The following PTPRD variants were observed in gnomAD, a reference collection of about 807,000 sequenced individuals.
The protein encoded by PTPRD is protein tyrosine phosphatase receptor type D, also known as receptor-type tyrosine-protein phosphatase delta.
PTPRD carries 34 observed loss-of-function variants against 214.5 expected under a neutral mutation model. The ratio of observed to expected loss-of-function variants is 0.16; its 90% CI spans 0.12 to 0.21. The LOEUF is 0.21. Among genes scored for constraint, PTPRD ranks in the 10% least tolerant of loss-of-function variants. The pLI is 1.00. For synonymous variants in PTPRD, 1,128 were observed against 845.7 expected (o/e 1.33, Z -5.79); for missense variants, 2,545 against 2,398.7 (o/e 1.06, Z -1.27).
At chr9:9,430,275 C>T (rs549799474) in intron 8 of PTPRD, among the ~76,000 whole-genome samples, 20 of 152,040 alleles carry the variant, frequency 1.3e-4, no homozygotes, top group Middle Eastern at 3.4e-3. Flanking sequence ...AACAGAGAGC[C>T]AAATCATGAG....
chr9:9,141,284 G>C (rs1172016777), intron 10 of PTPRD, among the ~76,000 whole-genome samples: 2 of 146,680 alleles, frequency 1.4e-5, no homozygotes, highest in African/African-American at 5.1e-5. Flanking sequence ...AGGCACTACA[G>C]ACCCTAGGTT....
chr9:9,206,144 G>A (rs1569562141), intron 9 of PTPRD, among the ~76,000 whole-genome samples: 1 of 152,190 alleles, frequency 6.6e-6, no homozygotes, highest in South Asian at 2.1e-4. Context: ...CCTAGAACAA[G>A]AGGAGTTTGC....
chr9:8,462,318 C>G (rs2096434492), intron 32 of PTPRD, among the ~76,000 whole-genome samples: 1 of 151,884 alleles, frequency 6.6e-6, no homozygotes, highest in South Asian at 2.1e-4. Flanking sequence ...TCCATCTGCT[C>G]TTCTTCTAGT....
At chr9:8,670,929 G>T (rs1317238244) in intron 12 of PTPRD, among the ~76,000 whole-genome samples, 1 of 152,168 alleles carries the variant, frequency 6.6e-6, no homozygotes, top group Non-Finnish European at 1.5e-5. Context: ...CAGATTGAAG[G>T]GAAGTAGGTG....
chr9:10,240,828 G>C (rs1328500853), intron 3 of PTPRD, among the ~76,000 whole-genome samples: 1 of 151,664 alleles, frequency 6.6e-6, no homozygotes, highest in East Asian at 1.9e-4. Context: ...TTTGAATCAT[G>C]AACTACAAAA....
In PTPRD at chr9:10,517,121, G is replaced by C. The variant is rs568986768; in HGVS notation, c.-600+95277C>G. On this transcript the variant is annotated intron_variant, in intron 2 of 45. Coordinates refer to ENST00000381196, the MANE Select transcript of PTPRD (RefSeq NM_002839.4). ...CATTAAGAAATGCCATTTGAATTTTGACAGATATTGCACTGAATCTGTAGA... is the reference window on the plus strand; with the variant it reads ...CATTAAGAAATGCCATTTGAATTTTCACAGATATTGCACTGAATCTGTAGA... Among the ~76,000 whole-genome samples, 91 of 151,944 alleles carry C rather than the reference G, an allele frequency of 6.0e-4. No individual in the cohort carries two copies. The South Asian group carries it at 9.1e-3, about 15-fold the overall frequency.
chr9:8,321,903 T>A (rs1002913389), intron 44 of PTPRD, among the ~76,000 whole-genome samples: 1 of 152,054 alleles, frequency 6.6e-6, no homozygotes, highest in African/African-American at 2.4e-5. Context: ...ATTGAACAAG[T>A]ATATTGGTGC....
intron 9 of PTPRD, among the ~76,000 whole-genome samples, chr9:9,279,270 C>CAT (rs1236207055): frequency 6.7e-6 from 1 of 148,604 alleles, no homozygotes; most frequent in Non-Finnish European, 1.5e-5. Flanking sequence ...AGAATGTGTA[C>CAT]ATATATATAC....
intron 11 of PTPRD, among the ~76,000 whole-genome samples, chr9:8,934,598 T>C (rs1249091498): frequency 2.1e-5 from 3 of 143,128 alleles, no homozygotes; most frequent in Non-Finnish European, 3.0e-5. Context: ...CTAATTAATA[T>C]ATCCATTACC....
chr9:10,480,585 CA>C, intron 2 of PTPRD, among the ~76,000 whole-genome samples: 1 of 151,804 alleles, frequency 6.6e-6, no homozygotes, highest in East Asian at 1.9e-4. Context: ...ACAATGAAAA[CA>C]GATAATTTGA....
intron 2 of PTPRD, among the ~76,000 whole-genome samples, chr9:10,449,817 AAAAG>A (rs1193635225): frequency 1.3e-5 from 2 of 151,764 alleles, no homozygotes; most frequent in Non-Finnish European, 2.9e-5. Flanking sequence ...AAATGTGGGG[AAAAG>A]AAAGAGAGAT....
At chr9:8,596,699 C>A (rs935107200) in intron 14 of PTPRD, among the ~76,000 whole-genome samples, 2 of 152,062 alleles carry the variant, frequency 1.3e-5, no homozygotes, top group Admixed American at 1.3e-4. Context: ...TATTTAGACA[C>A]ATAAACTACA....
chr9:8,619,133 T>C (rs921530531), intron 14 of PTPRD, among the ~76,000 whole-genome samples: 3 of 151,992 alleles, frequency 2.0e-5, no homozygotes, highest in Admixed American at 6.6e-5. Flanking sequence ...CTATTATGTA[T>C]ACATTGTGAA....
chr9:9,291,542 T>C (rs1951137864), intron 9 of PTPRD, among the ~76,000 whole-genome samples: 1 of 151,412 alleles, frequency 6.6e-6, no homozygotes, highest in African/African-American at 2.4e-5. Context: ...CAGTGTTTTT[T>C]GAAAGACCTG....
Position 10,371,134 on chromosome 9 carries a change from C to A in PTPRD, c.-599-30117G>T, listed in dbSNP as rs552592407. The stretch of plus-strand genomic sequence containing the variant: ...GCTTTTTTCTATTATTATATATCTC[C>A]ATTTTTCTAAATTATAGGCTTATGC... On this transcript the variant is annotated intron_variant, in intron 2 of 45. Coordinates refer to ENST00000381196, the MANE Select transcript of PTPRD (RefSeq NM_002839.4). Among the ~76,000 whole-genome samples, 32 of 151,958 alleles carry A rather than the reference C, an allele frequency of 2.1e-4. No homozygotes were observed. The South Asian group carries it at 6.2e-3, about 30-fold the overall frequency.
At chr9:9,864,709 G>C (rs1197343420) in intron 5 of PTPRD, among the ~76,000 whole-genome samples, 5 of 152,018 alleles carry the variant, frequency 3.3e-5, no homozygotes, top group Non-Finnish European at 5.9e-5. Context: ...TGTAGAGACA[G>C]GGTGTCACTT....
intron 7 of PTPRD, among the ~76,000 whole-genome samples, chr9:9,642,261 G>T (rs1210059574): frequency 2.3e-5 from 3 of 129,478 alleles, no homozygotes; most frequent in African/African-American, 8.9e-5. Context: ...TCTGGGGACT[G>T]TGGTGGGGTG....
chr9:9,922,301 G>C (rs1457725083), intron 5 of PTPRD, among the ~76,000 whole-genome samples: 1 of 152,050 alleles, frequency 6.6e-6, no homozygotes, highest in Non-Finnish European at 1.5e-5. Context: ...CCTTGAATCC[G>C]AAGTATACTA....
intron 12 of PTPRD, among the ~76,000 whole-genome samples, chr9:8,726,246 C>A (rs73429611): frequency 6.6e-6 from 1 of 151,720 alleles, no homozygotes; most frequent in East Asian, 1.9e-4. Context: ...AACACATCTA[C>A]GTAGGCAGGA....
Sources: gnomAD v4.1 joint callset for allele counts (sites outside exome capture counted in the v4.1 genomes callset) on GRCh38, gnomAD v4.1.1 for gene constraint, MANE v1.5 for transcripts, NCBI Gene and HGNC (gene_info 2026-07-23, HGNC 2026-07-21) for gene names.